Variants in SHISA6 observed in about 807,000 individuals in gnomAD.
SHISA6 encodes shisa family member 6, also known as protein shisa-6.
In SHISA6, 22 loss-of-function variants were observed where a neutral mutation model predicts 47.9. The observed-to-expected ratio is 0.46, with a 90% CI of 0.33 to 0.66. SHISA6 has a LOEUF of 0.66. Ranked by LOEUF, SHISA6 falls within the 30% of genes least tolerant of loss-of-function variation. The probability of loss-of-function intolerance (pLI) is 0.02; values close to 1 mark genes in which losing one functional copy is unlikely to be tolerated. For synonymous variants in SHISA6, 388 were observed against 337.8 expected, an observed-to-expected ratio of 1.15 and a Z score of -1.63; for missense variants, 680 against 764.6, an observed-to-expected ratio of 0.89 and a Z score of 1.30.
intron 2 of SHISA6, among the ~76,000 whole-genome samples, chr17:11,265,810 C>T (rs1257643503): frequency 6.6e-6 from 1 of 152,114 alleles, no homozygotes; most frequent in Non-Finnish European, 1.5e-5. Context: ...CTGGATTTGC[C>T]CTTAAATACC....
At chr17:11,330,038 A>G (rs1260870899) in intron 2 of SHISA6, among the ~76,000 whole-genome samples, 6 of 152,080 alleles carry the variant, frequency 3.9e-5, no homozygotes. Context: ...AAGGCTTTCC[A>G]TATGAGTAGA....
At position 11,556,136 on chromosome 17, in the gene SHISA6, G is replaced by A. The variant is rs555243843; in HGVS notation, c.1105+244G>A. Among the ~76,000 whole-genome samples the A allele has an allele frequency of 7.2e-5, 11 of 152,222 alleles. No homozygotes were observed. The South Asian group carries it at 8.3e-4, about 11-fold the overall frequency. On this transcript the variant is annotated intron_variant, in intron 5 of 5. Coordinates refer to ENST00000441885, the MANE Select transcript of SHISA6 (RefSeq NM_207386.4). ...TCAGATTCACATCCCTATAGGAGAC[G>A]GCCTTCCAATTCATGCACCAGTTTA...
At chr17:11,555,317 C>T (rs1454418222) in intron 4 of SHISA6, among the ~76,000 whole-genome samples, 1 of 151,742 alleles carries the variant, frequency 6.6e-6, no homozygotes, top group Non-Finnish European at 1.5e-5. Flanking sequence ...ACTCCATGTC[C>T]TCCAACTCAA....
At chr17:11,525,050 A>G (rs933948792) in intron 3 of SHISA6, among the ~76,000 whole-genome samples, 4 of 152,108 alleles carry the variant, frequency 2.6e-5, no homozygotes, top group Non-Finnish European at 4.4e-5. Flanking sequence ...TTGTTTGTAT[A>G]TCTTTTATCT....
chr17:11,298,722 G>A (rs1042685770), intron 2 of SHISA6, among the ~76,000 whole-genome samples: 6 of 152,284 alleles, frequency 3.9e-5, no homozygotes, highest in Non-Finnish European at 8.8e-5. Context: ...AGTCTGGAGT[G>A]GATGGCTGAG....
intron 3 of SHISA6, among the ~76,000 whole-genome samples, chr17:11,456,267 G>A (rs373217010): frequency 1.3e-5 from 2 of 152,126 alleles, no homozygotes; most frequent in African/African-American, 4.8e-5. Flanking sequence ...TGGTCATACC[G>A]GTTGTGCTCT....
intron 1 of SHISA6, among the ~76,000 whole-genome samples, chr17:11,246,280 G>A (rs1166154681): frequency 6.6e-6 from 1 of 152,160 alleles, no homozygotes; most frequent in Non-Finnish European, 1.5e-5. Flanking sequence ...CATTAGGTCA[G>A]GAGATTGAGA....
At chr17:11,535,324 CA>C (rs1567632598) in intron 3 of SHISA6, among the ~76,000 whole-genome samples, 1 of 152,054 alleles carries the variant, frequency 6.6e-6, no homozygotes, top group Non-Finnish European at 1.5e-5. Context: ...TGTGTCTAAC[CA>C]ACTTCCCCAG....
At chr17:11,375,622 T>C (rs1181076677) in intron 2 of SHISA6, among the ~76,000 whole-genome samples, 1 of 152,048 alleles carries the variant, frequency 6.6e-6, no homozygotes, top group African/African-American at 2.4e-5. Context: ...CTTATCAGAG[T>C]CAGCCGTATC....
intron 3 of SHISA6, among the ~76,000 whole-genome samples, chr17:11,485,852 C>T (rs1916336389): frequency 6.6e-6 from 1 of 151,708 alleles, no homozygotes; most frequent in South Asian, 2.1e-4. Flanking sequence ...TTATTTTGCT[C>T]CATTTCCCTC....
rs1374726431 is a variant in SHISA6 at position 11,359,235 on chromosome 17, A to G, written c.800-20179A>G. Reference sequence around the variant, plus strand: ...GTCTTGCTCACCCACAATTAGAAAAAGCACTTTTTAAAATTGTCTTCTATC... The same window carrying G: ...GTCTTGCTCACCCACAATTAGAAAAGGCACTTTTTAAAATTGTCTTCTATC... On this transcript the variant is annotated intron_variant, in intron 2 of 5. Coordinates refer to ENST00000441885, the MANE Select transcript of SHISA6 (RefSeq NM_207386.4). Among the ~76,000 whole-genome samples the G allele has an allele frequency of 2.0e-5, 3 of 152,314 alleles. No individual in the cohort carries two copies. The East Asian group carries it at 5.8e-4, about 29-fold the overall frequency.
At chr17:11,383,664 A>G (rs982864115) in intron 3 of SHISA6, among the ~76,000 whole-genome samples, 1 of 152,114 alleles carries the variant, frequency 6.6e-6, no homozygotes, top group South Asian at 2.1e-4. Context: ...ACTGAATGGC[A>G]TACTCATTCT....
chr17:11,414,696 T>C (rs915237510), intron 3 of SHISA6, among the ~76,000 whole-genome samples: 2 of 152,288 alleles, frequency 1.3e-5, no homozygotes, highest in African/African-American at 4.8e-5. Context: ...ATAAATGACA[T>C]GTAGGCAAAT....
At chr17:11,260,026 G>A (rs1166888671) in intron 1 of SHISA6, among the ~76,000 whole-genome samples, 1 of 152,202 alleles carries the variant, frequency 6.6e-6, no homozygotes, top group East Asian at 1.9e-4. Flanking sequence ...AGACAGGGCA[G>A]GTGAATGCAT....
At chr17:11,427,458 T>A (rs1348858443) in intron 3 of SHISA6, among the ~76,000 whole-genome samples, 1 of 152,022 alleles carries the variant, frequency 6.6e-6, no homozygotes, top group African/African-American at 2.4e-5. Flanking sequence ...CTTTTCCTGT[T>A]CCCTTGTCCA....
chr17:11,296,030 C>T (rs908580910), intron 2 of SHISA6, among the ~76,000 whole-genome samples: 6 of 149,966 alleles, frequency 4.0e-5, no homozygotes, highest in African/African-American at 7.4e-5. Flanking sequence ...AGTGCAAGGG[C>T]GCTGATAAGC....
chr17:11,388,677 G>C (rs1913271215), intron 3 of SHISA6, among the ~76,000 whole-genome samples: 2 of 150,872 alleles, frequency 1.3e-5, no homozygotes, highest in Non-Finnish European at 3.0e-5. Flanking sequence ...TTAGAATCCA[G>C]TCAACCTCAC....
At chr17:11,343,808 T>A (rs1911611815) in intron 2 of SHISA6, among the ~76,000 whole-genome samples, 1 of 152,192 alleles carries the variant, frequency 6.6e-6, no homozygotes, top group Non-Finnish European at 1.5e-5. Context: ...GACAAGAGGA[T>A]GTGAGATGGA....
chr17:11,356,086 G>T (rs1328955928), intron 2 of SHISA6, among the ~76,000 whole-genome samples: 1 of 152,228 alleles, frequency 6.6e-6, no homozygotes, highest in African/African-American at 2.4e-5. Context: ...AGGCACTGGT[G>T]CAAAGTTAGT....
Sources: allele counts gnomAD v4.1 joint callset (sites outside exome capture counted in the v4.1 genomes callset), GRCh38; gene constraint gnomAD v4.1.1; transcripts MANE v1.5; gene names NCBI Gene and HGNC (gene_info 2026-07-23, HGNC 2026-07-21).